ATP11C: variants seen among roughly 807,000 people sequenced by gnomAD.
ATP11C encodes the protein phospholipid-transporting ATPase IG.
A neutral mutation model predicts 97.4 loss-of-function variants in ATP11C; 36 were observed. That is an observed-to-expected ratio of 0.37 (90% CI 0.28 to 0.49). The LOEUF (loss-of-function observed/expected upper bound fraction) is 0.49. Among genes scored for constraint, ATP11C ranks in the 20% least tolerant of loss-of-function variants. ATP11C has a pLI of 0.98. For missense variants in ATP11C, 730 were observed against 824.6 expected (o/e 0.89, Z 1.40); for synonymous variants, 275 against 290.9 (o/e 0.95, Z 0.56).
chrX:139,792,014 G>A (rs1274501031), intron 12 of ATP11C, among the ~76,000 whole-genome samples: 1 of 110,713 alleles, frequency 9.0e-6, no homozygotes, highest in Non-Finnish European at 1.9e-5. Flanking sequence ...AAGTGGTTCG[G>A]GGCCCCTAGA....
intron 12 of ATP11C, among the ~76,000 whole-genome samples, chrX:139,790,032 GAA>G (rs77810327): frequency 4.3e-5 from 4 of 93,080 alleles, no homozygotes; most frequent in African/African-American, 1.6e-4. Context: ...TCTGTCTCAG[GAA>G]AAAAAAAAAA....
At chrX:139,792,293 C>T (rs1219003656) in intron 12 of ATP11C, among the ~76,000 whole-genome samples, 1 of 111,185 alleles carries the variant, frequency 9.0e-6, no homozygotes, top group Non-Finnish European at 1.9e-5. Context: ...CATGGAAGCT[C>T]CACGCCCCTT....
At position 139,785,206 on chromosome X, in the gene ATP11C, C is replaced by G; in HGVS notation, c.1666+20G>C. On this transcript the variant is annotated intron_variant, in intron 16 of 29. Transcript: ENST00000682941. ...CTACAAATCAACAAAGAGAAAAATTCAAGCTTTTCAGACATGTACCTTCTT... is the reference window on the plus strand; with the variant it reads ...CTACAAATCAACAAAGAGAAAAATTGAAGCTTTTCAGACATGTACCTTCTT... The G allele has an allele frequency of 8.6e-7, 1 of 1,161,761 alleles. No homozygotes were observed. Among genetic ancestry groups the G allele is most frequent in the South Asian group, 1.9e-5 (1 of 52,146 alleles).
chrX:139,848,329 T>G (rs752770922), intron 1 of ATP11C, among the ~76,000 whole-genome samples: 2 of 111,238 alleles, frequency 1.8e-5, no homozygotes, highest in Non-Finnish European at 3.8e-5. Context: ...TCCTTTGCTT[T>G]AAGGATCTTC....
chrX:139,935,946 A>G (rs2085514033), upstream of ATP11C, among the ~76,000 whole-genome samples: 1 of 110,350 alleles, frequency 9.1e-6, no homozygotes, highest in South Asian at 3.9e-4. Flanking sequence ...CAGTGAGCCA[A>G]GATCGCGCCA....
Position 139,879,759 on chromosome X carries a change from G to A in ATP11C, c.27+52257C>T, listed in dbSNP as rs890411619. On this transcript the variant is annotated intron_variant, in intron 1 of 29. Coordinates refer to ENST00000682941, the MANE Select transcript of ATP11C (RefSeq NM_001353812.2). ...AAAGAATACCCATTAGGGAATTTGC[G>A]CACCTCTAGACTTTGGCATAGAGGC... 2.1e-4 allele frequency among the ~76,000 whole-genome samples: 23 copies of A among 111,821 alleles called. 1 individual carries two copies. The highest frequency in any genetic ancestry group is 3.8e-5 in the Non-Finnish European group (2 of 53,230).
intron 1 of ATP11C, among the ~76,000 whole-genome samples, chrX:139,867,450 C>T (rs1170320038): frequency 9.0e-6 from 1 of 111,570 alleles, no homozygotes; most frequent in Non-Finnish European, 1.9e-5. Flanking sequence ...CTCCCATTCA[C>T]ACACAGAAAA....
chrX:139,728,759 A>C lies in ATP11C; in HGVS notation c.*207T>G. ...TTTGGCCATAAAGGCTACTTACAAT[A>C]ATGGTAAATGCTTAAGAGAATCATT... On this transcript the variant is annotated 3_prime_UTR_variant, in exon 30 of 30. Coordinates refer to ENST00000682941, the MANE Select transcript of ATP11C (RefSeq NM_001353812.2). 2.4e-6 allele frequency: 1 copy of C among 418,989 alleles called. No homozygotes were observed. The highest frequency in any genetic ancestry group is 4.0e-6 in the Non-Finnish European group (1 of 247,541). The allele number at this position is 418,989 out of a possible 1,213,427, so 34.5% of individuals were successfully genotyped here.
At chrX:139,757,920 T>G in intron 22 of ATP11C, 53 bp from the exon 23 acceptor site, 1 of 815,515 alleles carries the variant, frequency 1.2e-6, no homozygotes, top group Non-Finnish European at 1.8e-6. Context: ...ATCAACTTGC[T>G]AAACTAAAAT....
intron 10 of ATP11C, among the ~76,000 whole-genome samples, chrX:139,797,958 T>G (rs1428769674): frequency 8.9e-6 from 1 of 111,917 alleles, no homozygotes; most frequent in African/African-American, 3.2e-5. Flanking sequence ...CAAAAAGGAA[T>G]GAATTTACAG....
intron 1 of ATP11C, among the ~76,000 whole-genome samples, chrX:139,833,436 G>T (rs1439524453): frequency 9.0e-6 from 1 of 111,449 alleles, no homozygotes; most frequent in Non-Finnish European, 1.9e-5. Flanking sequence ...TGGCACAGTG[G>T]CTTGGACCTG....
intron 1 of ATP11C, among the ~76,000 whole-genome samples, chrX:139,854,962 C>G (rs754240700): frequency 8.9e-6 from 1 of 111,902 alleles, no homozygotes; most frequent in East Asian, 2.8e-4. Context: ...CTAACCTGCT[C>G]TTTAACAAAA....
chrX:139,785,172 C>T, intron 16 of ATP11C, 54 bp downstream of exon 16: 1 of 930,092 alleles, frequency 1.1e-6, no homozygotes, highest in East Asian at 3.1e-5. Context: ...AGTGAATCAA[C>T]CAATAAGCCT....
At position 139,751,727 on chromosome X, in the gene ATP11C, C is replaced by T. The variant is rs752523866; in HGVS notation, c.2701-1575G>A. Among the ~76,000 whole-genome samples the T allele has an allele frequency of 1.1e-4, 12 of 108,912 alleles. No individual in the cohort carries two copies. In the South Asian group the frequency reaches 1.2e-3, roughly 11 times the overall value. The allele number at this position is 108,912 out of a possible 115,157, so 94.6% of individuals were successfully genotyped here. On this transcript the variant is annotated intron_variant, in intron 23 of 29. Coordinates refer to ENST00000682941, the MANE Select transcript of ATP11C (RefSeq NM_001353812.2). ...AGAGACAGAATATCCCCAAAACAAACAGATAAAGTTGATAATACTGCTTTT... is the reference window on the plus strand; with the variant it reads ...AGAGACAGAATATCCCCAAAACAAATAGATAAAGTTGATAATACTGCTTTT...
In ATP11C at chrX:139,745,872, G is replaced by A; in HGVS notation, c.2829-15C>T. ...CAGAAATTTTCCTATTGAGAAATGG[G>A]GGGAAAAAACCATTAGTGAAACTTT... On this transcript the variant is annotated splice_polypyrimidine_tract_variant and intron_variant, in intron 24 of 29. Coordinates refer to ENST00000682941, the MANE Select transcript of ATP11C (RefSeq NM_001353812.2). 1 of 1,189,426 alleles carries A rather than the reference G, an allele frequency of 8.4e-7. No homozygotes were observed. Among genetic ancestry groups the A allele is most frequent in the East Asian group, 3.0e-5 (1 of 33,514 alleles).
At chrX:139,896,327 A>T (rs1926317692) in intron 1 of ATP11C, among the ~76,000 whole-genome samples, 1 of 110,257 alleles carries the variant, frequency 9.1e-6, no homozygotes, top group African/African-American at 3.3e-5. Flanking sequence ...GACAAATCCC[A>T]ATTGAAGGAC....
At chrX:139,747,355 T>C (rs2081711330) in intron 24 of ATP11C, among the ~76,000 whole-genome samples, 1 of 111,550 alleles carries the variant, frequency 9.0e-6, no homozygotes, top group Admixed American at 9.5e-5. Context: ...GCATGATATG[T>C]TGAATTATAG....
chrX:139,834,694 G>A (rs1478678131), intron 1 of ATP11C, among the ~76,000 whole-genome samples: 2 of 112,076 alleles, frequency 1.8e-5, no homozygotes, highest in African/African-American at 6.5e-5. Context: ...GTGCCTTTGA[G>A]TACTGCCAAC....
At position 139,783,274 on chromosome X, in the gene ATP11C, T is replaced by C. The variant is rs2082502666; in HGVS notation, c.1667-7A>G. On this transcript the variant is annotated splice_region_variant and splice_polypyrimidine_tract_variant and intron_variant, in intron 16 of 29. Transcript: ENST00000682941. ...CAAAAGAGAAGTATGTCTCCTAAAA[T>C]AAAGAACCATAGTACTTGACTTAGA... 8.7e-7 allele frequency: 1 copy of C among 1,144,889 alleles called. No individual in the cohort carries two copies. Among genetic ancestry groups the C allele is most frequent in the African/African-American group, 1.8e-5 (1 of 55,834 alleles). The allele number at this position is 1,144,889 out of a possible 1,213,427, so 94.4% of individuals were successfully genotyped here. A position where few individuals can be genotyped will look rare whatever the true frequency, so the allele number is the denominator to read the frequency against.
Sources: gnomAD v4.1 joint callset for allele counts (sites outside exome capture counted in the v4.1 genomes callset) on GRCh38, gnomAD v4.1.1 for gene constraint, MANE v1.5 for transcripts, NCBI Gene and HGNC (gene_info 2026-07-23, HGNC 2026-07-21) for gene names.